Variants in SGCD observed in about 807,000 individuals in gnomAD.
SGCD encodes delta-sarcoglycan.
SGCD carries 18 observed loss-of-function variants against 36.6 expected under a neutral mutation model. The ratio of observed to expected loss-of-function variants is 0.49; its 90% CI spans 0.34 to 0.73. The LOEUF is 0.73. Among genes scored for constraint, SGCD ranks in the 30% least tolerant of loss-of-function variants. SGCD has a pLI of 0.01. For missense variants in SGCD, 387 were observed against 346.7 expected (o/e 1.12, Z -0.92); for synonymous variants, 133 against 130.6 (o/e 1.02, Z -0.12).
At chr5:156,325,959 C>T (rs1767799476), upstream of SGCD, among the ~76,000 whole-genome samples, 1 of 152,170 alleles carries the variant, frequency 6.6e-6, no homozygotes, top group Non-Finnish European at 1.5e-5. Flanking sequence ...TTACAACATC[C>T]CCTCAAGAAC....
chr5:156,608,915 C>T lies in SGCD; in HGVS notation c.502+13864C>T, dbSNP rs543664197. On this transcript the variant is annotated intron_variant, in intron 6 of 8. Coordinates refer to ENST00000337851, the MANE Select transcript of SGCD (RefSeq NM_000337.6). ...TTGCTTGGTAGATCTTCCTCCATCC[C>T]TTTATTTTGAGCCTATGTGTGTCTC... is the stretch of plus-strand genomic sequence containing the variant. Among the ~76,000 whole-genome samples, 30 of 152,110 alleles carry T rather than the reference C, an allele frequency of 2.0e-4. No individual in the cohort carries two copies. In the East Asian group the frequency reaches 4.8e-3, roughly 24 times the overall value.
chr5:156,194,195 G>T (rs554296551), intron 3 of SGCD, among the ~76,000 whole-genome samples: 1 of 152,016 alleles, frequency 6.6e-6, no homozygotes, highest in Non-Finnish European at 1.5e-5. Flanking sequence ...GGGCAACATG[G>T]CAAAACCCCA....
chr5:156,426,110 C>T (rs2127783739), intron 3 of SGCD, among the ~76,000 whole-genome samples: 1 of 152,172 alleles, frequency 6.6e-6, no homozygotes, highest in African/African-American at 2.4e-5. Flanking sequence ...GATAGTTTTA[C>T]TTTCAGTTCT....
intron 7 of SGCD, among the ~76,000 whole-genome samples, chr5:156,678,958 T>C (rs778076987): frequency 1.5e-4 from 23 of 152,156 alleles, no homozygotes; most frequent in Non-Finnish European, 2.9e-4. Flanking sequence ...GGCAAATCAA[T>C]GTTTTTTTTC....
intron 3 of SGCD, among the ~76,000 whole-genome samples, chr5:156,237,629 A>C (rs1765199628): frequency 6.6e-6 from 1 of 152,122 alleles, no homozygotes; most frequent in African/African-American, 2.4e-5. Flanking sequence ...TCTCAAAATG[A>C]AAAAAACAAA....
chr5:156,340,356 C>T (rs2135039), intron 2 of SGCD, among the ~76,000 whole-genome samples: 112,650 of 152,140 alleles, frequency 0.74, 42,448 homozygotes, highest in East Asian at 0.92. Context: ...GTGTTTATAT[C>T]GCATCGTGTC....
intron 3 of SGCD, among the ~76,000 whole-genome samples, chr5:156,366,001 A>C (rs927911551): frequency 1.3e-5 from 2 of 152,252 alleles, no homozygotes; most frequent in Non-Finnish European, 2.9e-5. Flanking sequence ...ACAAGAAGAC[A>C]TGAGTAGCCA....
intron 2 of SGCD, among the ~76,000 whole-genome samples, chr5:156,331,881 C>T (rs970432201): frequency 5.3e-5 from 8 of 152,180 alleles, no homozygotes; most frequent in Non-Finnish European, 1.2e-4. Flanking sequence ...CAGAGCCACG[C>T]TGTGTTCCTT....
At chr5:155,882,088 T>C (rs1190605207) in intron 1 of SGCD, among the ~76,000 whole-genome samples, 1 of 152,062 alleles carries the variant, frequency 6.6e-6, no homozygotes, top group Non-Finnish European at 1.5e-5. Context: ...CTTCCTCCCA[T>C]GAATCATACT....
At chr5:155,858,626 G>A in the SGCD span, among the ~76,000 whole-genome samples, 1 of 152,084 alleles carries the variant, frequency 6.6e-6, no homozygotes, top group Non-Finnish European at 1.5e-5. Context: ...ATATAATTAA[G>A]TTATCTAATT....
At chr5:156,733,828 A>ATTTC (rs1756206722) in intron 7 of SGCD, among the ~76,000 whole-genome samples, 1 of 151,996 alleles carries the variant, frequency 6.6e-6, no homozygotes, top group Non-Finnish European at 1.5e-5. Flanking sequence ...AATGTTTTCC[A>ATTTC]TTTCCTTAGT....
the SGCD span, among the ~76,000 whole-genome samples, chr5:155,763,367 A>C: frequency 6.6e-6 from 1 of 152,196 alleles, no homozygotes; most frequent in African/African-American, 2.4e-5. Flanking sequence ...TCAGTATTCT[A>C]AAATAATATT....
At chr5:156,167,609 A>T (rs1452616607) in intron 3 of SGCD, among the ~76,000 whole-genome samples, 1 of 152,106 alleles carries the variant, frequency 6.6e-6, no homozygotes, top group Non-Finnish European at 1.5e-5. Flanking sequence ...AGTTCACATG[A>T]TATCTGGTTG....
chr5:155,741,352 A>G, the SGCD span, among the ~76,000 whole-genome samples: 1 of 152,146 alleles, frequency 6.6e-6, no homozygotes, highest in Non-Finnish European at 1.5e-5. Flanking sequence ...AAAGAAGGGA[A>G]TTCTCTATAG....
At chr5:156,320,854 G>T (rs772201264) in intron 3 of SGCD, among the ~76,000 whole-genome samples, 1 of 152,188 alleles carries the variant, frequency 6.6e-6, no homozygotes, top group South Asian at 2.1e-4. Context: ...AAGTCAGTCA[G>T]ATAATTTTGC....
At chr5:156,348,826 G>A (rs1769086829) in intron 3 of SGCD, among the ~76,000 whole-genome samples, 1 of 151,972 alleles carries the variant, frequency 6.6e-6, no homozygotes, top group Admixed American at 6.6e-5. Flanking sequence ...AAATCTGAAG[G>A]CATCACATTA....
intron 4 of SGCD, among the ~76,000 whole-genome samples, chr5:156,544,879 G>A (rs1758501985): frequency 2.0e-5 from 3 of 152,138 alleles, no homozygotes; most frequent in Admixed American, 6.5e-5. Context: ...TATGAGGAAA[G>A]GAAACATCGT....
chr5:156,553,313 G>A lies in SGCD; in HGVS notation c.295-35918G>A, dbSNP rs574280203. ...GGAACAAACATTCAAACCATAGCAG[G>A]TACTAAGTTTTTCAAAAGTGTTTCT... On this transcript the variant is annotated intron_variant, in intron 4 of 8. Transcript: ENST00000337851. 2.9e-4 allele frequency among the ~76,000 whole-genome samples: 44 copies of A among 152,180 alleles called. No individual in the cohort carries two copies. In the South Asian group the frequency reaches 9.1e-3, roughly 32 times the overall value.
intron 1 of SGCD, among the ~76,000 whole-genome samples, chr5:156,012,281 T>G (rs1188132919): frequency 3.3e-5 from 5 of 152,230 alleles, no homozygotes; most frequent in Admixed American, 3.3e-4. Context: ...TGTTTTCATA[T>G]TTGACTCCAT....
Sources: gnomAD v4.1 joint callset for allele counts (sites outside exome capture counted in the v4.1 genomes callset) on GRCh38, gnomAD v4.1.1 for gene constraint, MANE v1.5 for transcripts, NCBI Gene and HGNC (gene_info 2026-07-23, HGNC 2026-07-21) for gene names.